Variants in MPZL3 observed in about 807,000 individuals in gnomAD.
MPZL3 encodes myelin protein zero like 3.
A neutral mutation model predicts 24.8 loss-of-function variants in MPZL3; 23 were observed. That is an observed-to-expected ratio of 0.93 (90% CI 0.67 to 1.31). The LOEUF (loss-of-function observed/expected upper bound fraction) is 1.31, where lower values mean the gene tolerates loss of function less well. MPZL3 is among the 40% of genes most tolerant of loss of function. The pLI, the probability that MPZL3 is intolerant of heterozygous loss-of-function variation, is 0.00. For synonymous variants in MPZL3, 99 were observed against 106.5 expected (o/e 0.93, Z 0.44); for missense variants, 277 against 294.9 (o/e 0.94, Z 0.44).
intron 2 of MPZL3, among the ~76,000 whole-genome samples, chr11:118,238,356 A>G (rs921644480): frequency 1.3e-5 from 2 of 152,226 alleles, no homozygotes; most frequent in African/African-American, 4.8e-5. Context: ...CAGTGAATAT[A>G]TGTTGAATTA....
intron 2 of MPZL3, among the ~76,000 whole-genome samples, chr11:118,237,940 C>T (rs969930726): frequency 6.6e-6 from 1 of 152,072 alleles, no homozygotes; most frequent in Non-Finnish European, 1.5e-5. Context: ...AGTTCAGGAC[C>T]AGCCTGGCCA....
rs1375083809 is a variant in MPZL3, at chr11:118,229,922, T to G, written c.682-2A>C. On this transcript the variant is annotated splice_acceptor_variant, in intron 5 of 5. Transcript: ENST00000278949. LOFTEE classifies it high-confidence loss of function. ...ATATGTCTCTTCATAGTCTGAATCC[T>G]GGAGGGAGCAAAACAGCAGGTGTGA... 1 of 1,613,230 alleles carries G rather than the reference T, an allele frequency of 6.2e-7. No homozygotes were observed.
intron 1 of MPZL3, 85 bp downstream of exon 1, chr11:118,252,137 A>G: frequency 7.1e-7 from 1 of 1,402,682 alleles, no homozygotes; most frequent in Non-Finnish European, 1.0e-6. Context: ...GGCTTTCTGG[A>G]GACCCCCCTA....
intron 2 of MPZL3, among the ~76,000 whole-genome samples, chr11:118,238,905 A>G (rs1370358637): frequency 1.4e-4 from 21 of 152,224 alleles, no homozygotes. Context: ...GAAACTCCTT[A>G]TTGACAAAAC....
chr11:118,236,852 A>G (rs1336722589), intron 3 of MPZL3, among the ~76,000 whole-genome samples, 198 bp downstream of exon 3: 1 of 152,238 alleles, frequency 6.6e-6, no homozygotes, highest in Non-Finnish European at 1.5e-5. Context: ...TTTGGAGAGA[A>G]AATTCAGTTT....
intron 1 of MPZL3, among the ~76,000 whole-genome samples, chr11:118,251,243 G>A (rs1041395445): frequency 2.6e-5 from 4 of 151,982 alleles, no homozygotes; most frequent in South Asian, 2.1e-4. Context: ...GGGAGGGATC[G>A]GGGGTGTGCT....
rs1949298177 is a variant in MPZL3, at chr11:118,228,259, A to AAAAGTGATTTTTAAACT, written c.*1618_*1634dup. 1 of 152,174 alleles carries AAAAGTGATTTTTAAACT rather than the reference A, an allele frequency of 6.6e-6. No homozygotes were observed. Among genetic ancestry groups the AAAAGTGATTTTTAAACT allele is most frequent in the Non-Finnish European group, 1.5e-5 (1 of 68,034 alleles). 9.4% of individuals were successfully genotyped at this position (152,174 alleles called of 1,614,324 possible). A position where few individuals can be genotyped will look rare whatever the true frequency, so the allele number is the denominator to read the frequency against. On this transcript the variant is annotated 3_prime_UTR_variant, in exon 6 of 6. Coordinates refer to ENST00000278949, the MANE Select transcript of MPZL3 (RefSeq NM_198275.3). ...AAAAAAGAAAGAAGTTGAGAGAGAG[A>AAAAGTGATTTTTAAACT]AAAGTGATTTTTAAACTAACATATA...
chr11:118,237,935 A>G (rs1023279786), intron 2 of MPZL3, among the ~76,000 whole-genome samples: 3 of 152,120 alleles, frequency 2.0e-5, no homozygotes. Flanking sequence ...TCAGGAGTTC[A>G]GGACCAGCCT....
At chr11:118,235,283 A>G (rs184596271) in intron 4 of MPZL3, 141 bp downstream of exon 4, 1 of 1,047,648 alleles carries the variant, frequency 9.5e-7, no homozygotes, top group East Asian at 2.4e-5. Flanking sequence ...GGCGCCCCTT[A>G]GCAGAACTAT....
chr11:118,251,529 T>C (rs1042555808), intron 1 of MPZL3, among the ~76,000 whole-genome samples: 1 of 152,122 alleles, frequency 6.6e-6, no homozygotes, highest in Admixed American at 6.5e-5. Flanking sequence ...TTGAAATTTA[T>C]GCAATTTGAA....
chr11:118,252,332 A>G lies in MPZL3; in HGVS notation c.-38T>C. ...TCAGATGCTTGCACACCTTGTTTAC[A>G]GCTCCCGGTAACGACACAGGTAACA... is the stretch of plus-strand genomic sequence containing the variant. On this transcript the variant is annotated 5_prime_UTR_variant, in exon 1 of 6. Transcript: ENST00000278949. 1.2e-6 allele frequency: 2 copies of G among 1,602,550 alleles called. No individual in the cohort carries two copies. Among genetic ancestry groups the G allele is most frequent in the East Asian group, 2.2e-5 (1 of 44,626 alleles).
In MPZL3 at chr11:118,252,243, G is replaced by A; in HGVS notation, c.52C>T (p.Leu18=). ...TCACCCTGGAAGAACAGGACGCCCA[G>A]CAGAGGGAAGAGAGCGCAGCCACGG... The part of the protein sequence containing the change: ...GSRGCALFPL[L]GVLFFQGVYI... The change falls in exon 1 of 6, where the codon CTG becomes TTG. Residue 18 remains leucine (L), a synonymous_variant. Transcript: ENST00000278949. 1.2e-6 allele frequency: 2 copies of A among 1,613,950 alleles called. No homozygotes were observed. Among genetic ancestry groups the A allele is most frequent in the Non-Finnish European group, 1.7e-6 (2 of 1,179,982 alleles).
chr11:118,230,337 G>C (rs1429109802), intron 5 of MPZL3, among the ~76,000 whole-genome samples: 1 of 152,176 alleles, frequency 6.6e-6, no homozygotes, highest in Non-Finnish European at 1.5e-5. Flanking sequence ...TCTTGTGGCT[G>C]TGTGACCTTG....
chr11:118,243,859 A>G (rs1949527279), intron 1 of MPZL3, among the ~76,000 whole-genome samples: 1 of 152,066 alleles, frequency 6.6e-6, no homozygotes, highest in South Asian at 2.1e-4. Flanking sequence ...AAAAACAAAT[A>G]GCAATTTTAA....
chr11:118,240,420 G>A (rs1340007674), intron 1 of MPZL3, 43 bp from the exon 2 acceptor site: 2 of 1,565,578 alleles, frequency 1.3e-6, no homozygotes, highest in African/African-American at 2.8e-5. Context: ...ATTCATGTGG[G>A]TGGAATATAC....
At chr11:118,231,870 A>G (rs1389674298) in intron 5 of MPZL3, among the ~76,000 whole-genome samples, 1 of 152,134 alleles carries the variant, frequency 6.6e-6, no homozygotes, top group Non-Finnish European at 1.5e-5. Context: ...ACCTGGATTA[A>G]TGCAAATGCC....
At chr11:118,234,167 C>G (rs1317777897) in intron 4 of MPZL3, among the ~76,000 whole-genome samples, 1 of 152,198 alleles carries the variant, frequency 6.6e-6, no homozygotes, top group Non-Finnish European at 1.5e-5. Flanking sequence ...CTGACAAAGT[C>G]TGAGCATTGT....
At position 118,252,254 on chromosome 11, in the gene MPZL3, A is replaced by C. The variant is rs1355294142; in HGVS notation, c.41T>G (p.Leu14Arg). 6.2e-7 allele frequency: 1 copy of C among 1,614,018 alleles called. No homozygotes were observed. Among genetic ancestry groups the C allele is most frequent in the South Asian group, 1.1e-5 (1 of 91,072 alleles). The stretch of plus-strand genomic sequence containing the variant: ...GAACAGGACGCCCAGCAGAGGGAAG[A>C]GAGCGCAGCCACGGCTTCCAGCTGC... ...RGAAGSRGCA[L>R]FPLLGVLFFQ... The change falls in exon 1 of 6, where the codon CTC becomes CGC. Residue 14 changes from leucine to arginine, a missense_variant. Leu to Arg is a moderately radical substitution (Grantham distance 102). Transcript: ENST00000278949.
chr11:118,242,668 C>T (rs1949511969), intron 1 of MPZL3, among the ~76,000 whole-genome samples: 1 of 152,178 alleles, frequency 6.6e-6, no homozygotes, highest in South Asian at 2.1e-4. Context: ...CTGGGTTGTT[C>T]CCCACCACAC....
Sources: gnomAD v4.1 joint callset for allele counts (sites outside exome capture counted in the v4.1 genomes callset) on GRCh38, gnomAD v4.1.1 for gene constraint, MANE v1.5 for transcripts, NCBI Gene and HGNC (gene_info 2026-07-23, HGNC 2026-07-21) for gene names.